CBR4: variants seen among roughly 807,000 people sequenced by gnomAD.
The protein encoded by CBR4 is 3-oxoacyl-[acyl-carrier-protein] reductase.
CBR4 carries 22 observed loss-of-function variants against 21.0 expected under a neutral mutation model. The ratio of observed to expected loss-of-function variants is 1.05; its 90% CI spans 0.75 to 1.50. CBR4 has a LOEUF of 1.50. Among genes scored for constraint, CBR4 ranks in the 40% most tolerant of loss-of-function variants. The pLI, the probability that CBR4 is intolerant of heterozygous loss-of-function variation, is 0.00. For missense variants in CBR4, 302 were observed against 286.3 expected, an observed-to-expected ratio of 1.05 and a Z score of -0.40; for synonymous variants, 100 against 104.4, an observed-to-expected ratio of 0.96 and a Z score of 0.26.
intron 2 of CBR4, among the ~76,000 whole-genome samples, chr4:168,944,604 G>A (rs1763352823): frequency 6.6e-6 from 1 of 152,074 alleles, no homozygotes; most frequent in African/African-American, 2.4e-5. Flanking sequence ...TCAACCATAA[G>A]GGATAGTTTA....
intron 2 of CBR4, among the ~76,000 whole-genome samples, chr4:168,960,965 T>A (rs151287905): frequency 1.3e-5 from 2 of 152,332 alleles, no homozygotes; most frequent in Non-Finnish European, 2.9e-5. Context: ...ATGAGCTCTA[T>A]CCAATCTCAA....
At chr4:168,979,387 C>G (rs1764471544) in intron 2 of CBR4, among the ~76,000 whole-genome samples, 1 of 152,070 alleles carries the variant, frequency 6.6e-6, no homozygotes. Flanking sequence ...TATAGAAAAG[C>G]AACCAGACTG....
At chr4:168,922,096 T>TACACAC (rs1464630467) in intron 2 of CBR4, among the ~76,000 whole-genome samples, 18 of 104,890 alleles carry the variant, frequency 1.7e-4, no homozygotes, top group African/African-American at 5.8e-4. Flanking sequence ...TATATATATA[T>TACACAC]ATATATACAC....
At chr4:168,987,260 A>G (rs1444687610), downstream of CBR4, among the ~76,000 whole-genome samples, 2 of 152,240 alleles carry the variant, frequency 1.3e-5, no homozygotes, top group African/African-American at 4.8e-5. Flanking sequence ...AAAAAGCCAA[A>G]GGAATCTGAT....
At chr4:168,995,492 G>A (rs1216084148) in intron 4 of CBR4, among the ~76,000 whole-genome samples, 1 of 152,136 alleles carries the variant, frequency 6.6e-6, no homozygotes, top group Non-Finnish European at 1.5e-5. Context: ...GACAATCCCA[G>A]TGAGATGGAA....
At chr4:168,929,194 C>T (rs1267440305) in intron 2 of CBR4, among the ~76,000 whole-genome samples, 1 of 152,130 alleles carries the variant, frequency 6.6e-6, no homozygotes, top group Non-Finnish European at 1.5e-5. Flanking sequence ...AGATATTACA[C>T]ACACACACAC....
chr4:168,912,869 G>A (rs1031390508), intron 2 of CBR4, among the ~76,000 whole-genome samples: 4 of 151,876 alleles, frequency 2.6e-5, no homozygotes, highest in Non-Finnish European at 5.9e-5. Flanking sequence ...CTATCTCCCC[G>A]ACCCCACCAC....
At chr4:168,965,024 C>T (rs1186016644) in intron 2 of CBR4, among the ~76,000 whole-genome samples, 1 of 152,060 alleles carries the variant, frequency 6.6e-6, no homozygotes, top group Non-Finnish European at 1.5e-5. Context: ...ATCTCAGCCC[C>T]CAATCTCCTT....
intron 2 of CBR4, among the ~76,000 whole-genome samples, chr4:168,905,320 T>C (rs1166889834): frequency 6.6e-6 from 1 of 151,374 alleles, no homozygotes; most frequent in African/African-American, 2.4e-5. Context: ...GCTAATTTTT[T>C]TTTATTTTTA....
chr4:169,002,574 T>C (rs1001936080), intron 3 of CBR4, among the ~76,000 whole-genome samples: 1 of 152,114 alleles, frequency 6.6e-6, no homozygotes, highest in Non-Finnish European at 1.5e-5. Context: ...CCAGAAAAAG[T>C]CAGACAAAAG....
chr4:168,954,834 ACAAT>A (rs1763639395), intron 2 of CBR4, among the ~76,000 whole-genome samples: 1 of 152,158 alleles, frequency 6.6e-6, no homozygotes, highest in African/African-American at 2.4e-5. Flanking sequence ...GCAGCAGAAA[ACAAT>A]CAGTCAAGAT....
chr4:168,988,052 T>C lies in CBR4; in HGVS notation c.*2098A>G. 1.0e-6 allele frequency: 1 copy of C among 985,256 alleles called. No homozygotes were observed. Among genetic ancestry groups the C allele is most frequent in the Non-Finnish European group, 1.2e-6 (1 of 829,746 alleles). The allele number at this position is 985,256 out of a possible 1,614,324, so 61.0% of individuals were successfully genotyped here. On this transcript the variant is annotated 3_prime_UTR_variant, in exon 5 of 5. Transcript: ENST00000306193. ...TTGTTAAGAATTCATTCAATGCTTC[T>C]CAGAATAGCAGATTTTAAAAAATGA...
intron 2 of CBR4, among the ~76,000 whole-genome samples, chr4:168,962,824 A>C (rs761035584): frequency 6.6e-6 from 1 of 152,180 alleles, no homozygotes; most frequent in Non-Finnish European, 1.5e-5. Context: ...GGAGCACATA[A>C]AGGAAATCAA....
At chr4:168,932,751 C>CG in intron 2 of CBR4, among the ~76,000 whole-genome samples, 1 of 151,280 alleles carries the variant, frequency 6.6e-6, no homozygotes. Flanking sequence ...CCTTACAGGC[C>CG]GGGAAAAAAA....
chr4:168,903,687 T>C, intron 2 of CBR4: 1 of 1,283,572 alleles, frequency 7.8e-7, no homozygotes, highest in Non-Finnish European at 1.1e-6. Context: ...ACACTGTTAC[T>C]ATTTTCAGTT....
intron 2 of CBR4, among the ~76,000 whole-genome samples, chr4:168,952,015 A>T (rs904430160): frequency 6.6e-6 from 1 of 152,086 alleles, no homozygotes; most frequent in Non-Finnish European, 1.5e-5. Context: ...ATGTTTTCCA[A>T]ATTTTTAGAT....
chr4:168,997,339 AC>A (rs1173064134), intron 4 of CBR4, among the ~76,000 whole-genome samples: 1 of 152,188 alleles, frequency 6.6e-6, no homozygotes, highest in Non-Finnish European at 1.5e-5. Flanking sequence ...GTGATTAAAA[AC>A]CCAGTTCAAT....
chr4:168,913,003 A>G (rs1344423981), intron 2 of CBR4, among the ~76,000 whole-genome samples: 2 of 152,192 alleles, frequency 1.3e-5, no homozygotes, highest in Admixed American at 6.6e-5. Context: ...TAAATCTCAA[A>G]TATGTTCATT....
intron 2 of CBR4, among the ~76,000 whole-genome samples, chr4:168,899,593 A>T (rs1756009751): frequency 6.6e-6 from 1 of 152,122 alleles, no homozygotes; most frequent in Non-Finnish European, 1.5e-5. Flanking sequence ...GCATAAAGGG[A>T]TTCCTGAGAC....
Sources: gnomAD v4.1 joint callset for allele counts (sites outside exome capture counted in the v4.1 genomes callset) on GRCh38, gnomAD v4.1.1 for gene constraint, MANE v1.5 for transcripts, NCBI Gene and HGNC (gene_info 2026-07-23, HGNC 2026-07-21) for gene names.